Variants in PARVB observed in about 807,000 individuals in gnomAD.
PARVB encodes the protein beta-parvin.
Under a neutral mutation model 47.0 loss-of-function variants are expected in PARVB, and 46 were observed. That is an observed-to-expected ratio of 0.98 (90% CI 0.77 to 1.25). The LOEUF (loss-of-function observed/expected upper bound fraction) is 1.25, where lower values mean the gene tolerates loss of function less well. Among genes scored for constraint, PARVB ranks in the 50% most tolerant of loss-of-function variants. PARVB has a pLI of 0.00. For missense variants in PARVB, 473 were observed against 471.6 expected (o/e 1.00, Z -0.03); for synonymous variants, 196 against 196.3 (o/e 1.00, Z 0.01).
chr22:44,002,276 C>A (rs1403034978), intron 2 of PARVB, among the ~76,000 whole-genome samples: 1 of 152,246 alleles, frequency 6.6e-6, no homozygotes, highest in Non-Finnish European at 1.5e-5. Flanking sequence ...TTGTCCAAAG[C>A]TAATTTTTTC....
intron 4 of PARVB, among the ~76,000 whole-genome samples, chr22:44,130,938 G>A (rs1390444619): frequency 1.3e-5 from 2 of 151,184 alleles, no homozygotes; most frequent in Admixed American, 6.6e-5. Flanking sequence ...ATCTCAAGAC[G>A]CCCCCATGGC....
intron 1 of PARVB, among the ~76,000 whole-genome samples, chr22:44,070,700 A>G (rs2051634628): frequency 6.6e-6 from 1 of 152,188 alleles, no homozygotes; most frequent in Admixed American, 6.5e-5. Context: ...TAGACCTTGC[A>G]ATAAAAGGCA....
rs2053157063 is a variant in PARVB, at chr22:44,125,020, G to A, written c.376+5880G>A. Among the ~76,000 whole-genome samples the A allele has an allele frequency of 6.6e-6, 1 of 151,908 alleles. No individual in the cohort carries two copies. Among genetic ancestry groups the A allele is most frequent in the Non-Finnish European group, 1.5e-5 (1 of 67,962 alleles). ...CTGCACAAATGGCTCTTACAGACCA[G>A]CTCTTGGAGGGAAACCTCCTAGGCT... On this transcript the variant is annotated intron_variant, in intron 4 of 12. Coordinates refer to ENST00000338758, the MANE Select transcript of PARVB (RefSeq NM_013327.5). The surrounding 1 kb of genome is among the most constrained non-coding windows in gnomAD (Gnocchi z 4.1).
intron 2 of PARVB, among the ~76,000 whole-genome samples, chr22:44,010,316 C>T (rs2050509603): frequency 6.6e-6 from 1 of 152,116 alleles, no homozygotes; most frequent in Non-Finnish European, 1.5e-5. Flanking sequence ...TGAATGGCAC[C>T]ACGTCCCACT....
At chr22:44,010,336 C>T (rs2050509901) in intron 2 of PARVB, among the ~76,000 whole-genome samples, 1 of 152,188 alleles carries the variant, frequency 6.6e-6, no homozygotes, top group Admixed American at 6.5e-5. Flanking sequence ...TAAGATCACT[C>T]TGCCCTTTCC....
At chr22:44,026,306 T>C in intron 1 of PARVB, 2 of 985,428 alleles carry the variant, frequency 2.0e-6, no homozygotes, top group Non-Finnish European at 2.4e-6. Context: ...CATCCTGTGC[T>C]GAATAGAACG....
intron 2 of PARVB, among the ~76,000 whole-genome samples, chr22:43,999,834 GA>G (rs113458130): frequency 0.22 from 14,846 of 68,810 alleles, 802 homozygotes; most frequent in East Asian, 0.37. Context: ...CCATCTATAT[GA>G]AAAAAAAAAA....
Position 44,131,571 on chromosome 22 carries a change from A to G in PARVB, c.461A>G (p.Glu154Gly). Residue 154 changes from glutamate to glycine, a missense_variant, in exon 5 of 13, where the codon GAA (glutamate) becomes GGA (glycine). Coordinates refer to ENST00000338758, the MANE Select transcript of PARVB (RefSeq NM_013327.5). ...AAACAGAAGCTGCAGACGGTGCTGG[A>G]AGCAGTACATGACCTGCTGCGGCCC... The part of the protein sequence containing the change: ...GQKQKLQTVL[E>G]AVHDLLRPRG... 1 of 1,614,166 alleles carries G rather than the reference A, an allele frequency of 6.2e-7. No individual in the cohort carries two copies.
chr22:44,066,145 A>G (rs2051518985), intron 1 of PARVB, among the ~76,000 whole-genome samples: 1 of 152,198 alleles, frequency 6.6e-6, no homozygotes, highest in Admixed American at 6.5e-5. Context: ...GTGGGTGGCT[A>G]TGGTGGAATC....
intron 1 of PARVB, among the ~76,000 whole-genome samples, chr22:44,036,442 A>G (rs2146906447): frequency 6.6e-6 from 1 of 152,302 alleles, no homozygotes; most frequent in Non-Finnish European, 1.5e-5. Flanking sequence ...GTATCTACAT[A>G]TATTTTATGC....
chr22:44,164,384 G>A (rs1278459733), intron 12 of PARVB, among the ~76,000 whole-genome samples: 1 of 146,394 alleles, frequency 6.8e-6, no homozygotes, highest in African/African-American at 2.6e-5. Context: ...GGCCAGCAGA[G>A]CTGGGGCGGG....
intron 3 of PARVB, among the ~76,000 whole-genome samples, chr22:44,117,043 C>T (rs1400913256): frequency 6.6e-6 from 1 of 152,008 alleles, no homozygotes; most frequent in African/African-American, 2.4e-5. Flanking sequence ...GGCCTTCCTG[C>T]CTCCCTTCCT....
At chr22:44,062,422 G>A (rs976904721) in intron 1 of PARVB, among the ~76,000 whole-genome samples, 2 of 152,192 alleles carry the variant, frequency 1.3e-5, no homozygotes, top group Non-Finnish European at 2.9e-5. Context: ...TGGATTGCTT[G>A]AGGTCAGGAG....
At chr22:44,136,565 G>A in intron 7 of PARVB, 47 bp downstream of exon 7, 1 of 1,526,940 alleles carries the variant, frequency 6.5e-7, no homozygotes, top group Non-Finnish European at 9.1e-7. Context: ...TGCCCCGAGT[G>A]AGTGGGACCC....
chr22:44,048,341 T>C (rs1171340147), intron 1 of PARVB, among the ~76,000 whole-genome samples: 3 of 152,172 alleles, frequency 2.0e-5, no homozygotes, highest in Non-Finnish European at 4.4e-5. Flanking sequence ...GACATATCTT[T>C]TGGGGGCACA....
intron 4 of PARVB, chr22:44,119,783 T>G (rs576219088): frequency 6.9e-4 from 370 of 532,884 alleles, no homozygotes; most frequent in Admixed American, 1.9e-3. Context: ...TTTTGAATGG[T>G]TACAGTTACT....
intron 5 of PARVB, 59 bp downstream of exon 5, chr22:44,131,686 CGTCATCCACATTT>C (rs1569141763): frequency 4.6e-6 from 7 of 1,515,190 alleles, no homozygotes; most frequent in South Asian, 1.3e-5. Flanking sequence ...TCTCGACATT[CGTCATCCACATTT>C]GTCATCCACA....
intron 4 of PARVB, among the ~76,000 whole-genome samples, chr22:44,123,997 C>G (rs950059459): frequency 6.6e-6 from 1 of 152,244 alleles, no homozygotes; most frequent in Non-Finnish European, 1.5e-5. Flanking sequence ...AAGAGCAGAA[C>G]TAAGGAGTAT....
At chr22:44,107,878 CT>C (rs764331293) in intron 3 of PARVB, 296 of 144,486 alleles carry the variant, frequency 2.0e-3, no homozygotes, top group Middle Eastern at 7.3e-3. Flanking sequence ...TCCCTGAGTT[CT>C]TTTTTTTTTT....
Sources: gnomAD v4.1 joint callset for allele counts (sites outside exome capture counted in the v4.1 genomes callset) on GRCh38, gnomAD v4.1.1 for gene constraint, Gnocchi (gnomAD v3.1) non-coding constraint, MANE v1.5 for transcripts, NCBI Gene and HGNC (gene_info 2026-07-23, HGNC 2026-07-21) for gene names.